TNRC18: variants seen among roughly 807,000 people sequenced by gnomAD.
TNRC18 encodes trinucleotide repeat-containing gene 18 protein.
A neutral mutation model predicts 226.7 loss-of-function variants in TNRC18; 69 were observed. The observed-to-expected ratio is 0.30, with a 90% CI of 0.25 to 0.37. The LOEUF (loss-of-function observed/expected upper bound fraction) is 0.37, where lower values mean the gene tolerates loss of function less well. TNRC18 is among the 10% of genes least tolerant of loss of function. The pLI is 1.00. For missense variants in TNRC18, 4,754 were observed against 4,256.6 expected (o/e 1.12, Z -3.25); for synonymous variants, 2,449 against 1,927.6 (o/e 1.27, Z -7.09).
Position 5,357,145 on chromosome 7 carries a change from T to C in TNRC18, c.4965A>G (p.Lys1655=), listed in dbSNP as rs529120699. The change falls in exon 16 of 30, where the codon AAA becomes AAG. Residue 1655 remains lysine (K), a synonymous_variant. Coordinates refer to ENST00000430969, the MANE Select transcript of TNRC18 (RefSeq NM_001080495.3). The part of the protein sequence containing the change: ...PFKFSDSAGG[K]SKTSGGCGRY... The stretch of plus-strand genomic sequence containing the variant: ...TGCCGCAGCCCCCGCTAGTTTTCGA[T>C]TTCCCCCCAGCACTGTCCGAAAACT... 6.4e-7 allele frequency: 1 copy of C among 1,574,378 alleles called. No individual in the cohort carries two copies. Among genetic ancestry groups the C allele is most frequent in the East Asian group, 2.3e-5 (1 of 43,362 alleles).
At chr7:5,401,163 G>A (rs993839505) in intron 2 of TNRC18, among the ~76,000 whole-genome samples, 1 of 148,394 alleles carries the variant, frequency 6.7e-6, no homozygotes, top group Non-Finnish European at 1.5e-5. Flanking sequence ...CTCTGCAACA[G>A]TAGTTGCTGG....
chr7:5,338,287 G>A (rs1273975586), intron 18 of TNRC18, among the ~76,000 whole-genome samples: 1 of 151,914 alleles, frequency 6.6e-6, no homozygotes, highest in Non-Finnish European at 1.5e-5. Context: ...CCAAAAATTA[G>A]ACAAAAAACT....
intron 19 of TNRC18, among the ~76,000 whole-genome samples, chr7:5,330,804 G>C (rs913007004): frequency 6.6e-5 from 10 of 152,122 alleles, no homozygotes; most frequent in Admixed American, 2.0e-4. Context: ...CTCCTGAGTA[G>C]CTGGGATTAC....
At chr7:5,396,347 C>A (rs573617136) in intron 2 of TNRC18, among the ~76,000 whole-genome samples, 31 of 149,312 alleles carry the variant, frequency 2.1e-4, no homozygotes, top group African/African-American at 7.4e-4. Flanking sequence ...GACTCCGTCT[C>A]AAAAAAAAAC....
chr7:5,345,524 C>CCCCCCCCCCCCCCCCCCCCCCACCCCCCA, intron 18 of TNRC18, 38 bp downstream of exon 18: 2 of 182,374 alleles, frequency 1.1e-5, no homozygotes, highest in East Asian at 2.0e-4. Context: ...TCCGCCCCTC[C>CCCCCCCCCCCCCCCCCCCCCCACCCCCCA]CACCCACCCC....
chr7:5,331,777 G>A (rs760377295), intron 19 of TNRC18, among the ~76,000 whole-genome samples: 1 of 152,130 alleles, frequency 6.6e-6, no homozygotes, highest in Non-Finnish European at 1.5e-5. Context: ...GGGCACGGTG[G>A]TATGCACCTG....
chr7:5,412,105 T>C (rs886483073), intron 2 of TNRC18, among the ~76,000 whole-genome samples: 3 of 151,740 alleles, frequency 2.0e-5, no homozygotes, highest in Non-Finnish European at 4.4e-5. Context: ...GGGAGGCTCA[T>C]TTGAGCCCAG....
At chr7:5,381,256 C>T (rs1334177123) in intron 5 of TNRC18, among the ~76,000 whole-genome samples, 1 of 152,232 alleles carries the variant, frequency 6.6e-6, no homozygotes, top group East Asian at 1.9e-4. Context: ...CTCCTCTACC[C>T]TCCTCACTCT....
chr7:5,390,838 G>A lies in TNRC18; in HGVS notation c.344-210C>T, dbSNP rs114603313. 0.17 allele frequency among the ~76,000 whole-genome samples: 26,234 copies of A among 151,758 alleles called. 3,753 individuals carry two copies. The highest frequency in any genetic ancestry group is 0.39 in the African/African-American group (16,028 of 41,268). On this transcript the variant is annotated intron_variant, in intron 3 of 29. Transcript: ENST00000430969. ...CCAGGCAGCCCTCACGGGGGACTGGGGTCTCCAGTCCCCCCCAGAAAGAGG... is the reference window on the plus strand; with the variant it reads ...CCAGGCAGCCCTCACGGGGGACTGGAGTCTCCAGTCCCCCCCAGAAAGAGG...
intron 2 of TNRC18, chr7:5,419,867 G>A (rs771467451): frequency 6.6e-6 from 1 of 152,426 alleles, no homozygotes; most frequent in African/African-American, 2.4e-5. Context: ...GCTCCGCCGA[G>A]CGGGCGGGGC....
intron 2 of TNRC18, among the ~76,000 whole-genome samples, chr7:5,402,512 G>A (rs917330089): frequency 2.0e-5 from 3 of 150,952 alleles, no homozygotes; most frequent in African/African-American, 7.3e-5. Context: ...TCCAGCCTGT[G>A]ACAGAGCGAG....
chr7:5,400,025 G>A (rs776039741), intron 2 of TNRC18, among the ~76,000 whole-genome samples: 23 of 152,218 alleles, frequency 1.5e-4, no homozygotes, highest in Non-Finnish European at 3.4e-4. Flanking sequence ...GAGTAGCTGG[G>A]ACTGCAGGTG....
At chr7:5,420,242 C>T (rs1046934485) in intron 2 of TNRC18, 1 of 368,404 alleles carries the variant, frequency 2.7e-6, no homozygotes, top group Non-Finnish European at 5.4e-6. Flanking sequence ...GCGGGACCTT[C>T]TCGGCCACCT....
chr7:5,319,562 G>A (rs1051215038), intron 24 of TNRC18, among the ~76,000 whole-genome samples: 4 of 152,130 alleles, frequency 2.6e-5, no homozygotes, highest in African/African-American at 9.7e-5. Context: ...AGGCTAGAGT[G>A]CAGTGGTGCA....
intron 16 of TNRC18, among the ~76,000 whole-genome samples, chr7:5,352,749 G>A (rs774702397): frequency 8.5e-5 from 13 of 152,340 alleles, no homozygotes; most frequent in Admixed American, 1.3e-4. Context: ...CAAATCTTCC[G>A]GGGAGACAAC....
At position 5,350,105 on chromosome 7, in the gene TNRC18, C is replaced by T. The variant is rs1791630167; in HGVS notation, c.5470+1714G>A. ...CCGCGGCTTTAAGGGGGCGTGGGGT[C>T]CAGCCCATGGGGGAGATGGGGGAAA... On this transcript the variant is annotated intron_variant, in intron 17 of 29. Transcript: ENST00000430969. 2.0e-5 allele frequency among the ~76,000 whole-genome samples: 3 copies of T among 152,028 alleles called. No individual in the cohort carries two copies. In the South Asian group the frequency reaches 6.2e-4, roughly 32 times the overall value.
At chr7:5,353,476 T>C (rs1792042815) in intron 16 of TNRC18, among the ~76,000 whole-genome samples, 1 of 151,174 alleles carries the variant, frequency 6.6e-6, no homozygotes, top group Admixed American at 6.6e-5. Context: ...GGAGGATCAC[T>C]TGAACCCGGG....
intron 24 of TNRC18, 33 bp downstream of exon 24, chr7:5,320,285 C>G: frequency 6.6e-7 from 1 of 1,506,030 alleles, no homozygotes. Flanking sequence ...AGATGTTAGG[C>G]GGCAGGGGAG....
chr7:5,362,617 C>G (rs373745026), intron 12 of TNRC18, 33 bp downstream of exon 12: 1 of 1,506,774 alleles, frequency 6.6e-7, no homozygotes. Context: ...GCCTCCCCCG[C>G]GGACCCCAGG....
Sources: gnomAD v4.1 joint callset for allele counts (sites outside exome capture counted in the v4.1 genomes callset) on GRCh38, gnomAD v4.1.1 for gene constraint, MANE v1.5 for transcripts, NCBI Gene and HGNC (gene_info 2026-07-23, HGNC 2026-07-21) for gene names.